Variants in HFM1 observed in about 807,000 individuals in gnomAD.
HFM1 encodes the protein probable ATP-dependent DNA helicase HFM1.
Under a neutral mutation model 192.1 loss-of-function variants are expected in HFM1, and 169 were observed. That is an observed-to-expected ratio of 0.88 (90% CI 0.78 to 1.00). The LOEUF is 1.00. HFM1 is among the 50% of genes least tolerant of loss of function. HFM1 has a pLI of 0.00. For missense variants in HFM1, 1,661 were observed against 1,668.0 expected (o/e 1.00, Z 0.07); for synonymous variants, 525 against 537.8 (o/e 0.98, Z 0.33).
At chr1:91,351,082 A>T (rs919558564) in intron 17 of HFM1, among the ~76,000 whole-genome samples, 1 of 152,066 alleles carries the variant, frequency 6.6e-6, no homozygotes, top group Non-Finnish European at 1.5e-5. Context: ...TGTAGAAGAC[A>T]GGTTATTGCT....
intron 34 of HFM1, among the ~76,000 whole-genome samples, chr1:91,271,475 A>G (rs1026908429): frequency 1.3e-5 from 2 of 152,148 alleles, no homozygotes; most frequent in African/African-American, 4.8e-5. Context: ...TAAAAAAGTC[A>G]TGACCAGAAG....
At chr1:91,380,878 G>A in intron 7 of HFM1, 34 bp downstream of exon 7, 1 of 1,002,334 alleles carries the variant, frequency 1.0e-6, no homozygotes, top group East Asian at 2.4e-5. Context: ...CTAGTGAAAG[G>A]TAGAAAAATA....
At chr1:91,289,419 G>C (rs1347355402) in intron 30 of HFM1, among the ~76,000 whole-genome samples, 1 of 152,102 alleles carries the variant, frequency 6.6e-6, no homozygotes, top group Non-Finnish European at 1.5e-5. Context: ...CCCAGACGAT[G>C]GGCGGCCAGG....
intron 30 of HFM1, among the ~76,000 whole-genome samples, chr1:91,295,505 T>C (rs1001145480): frequency 2.0e-5 from 3 of 152,282 alleles, no homozygotes; most frequent in African/African-American, 2.4e-5. Context: ...ACCAGGCATA[T>C]TGGATTGGGG....
intron 18 of HFM1, among the ~76,000 whole-genome samples, chr1:91,347,880 T>C (rs1656352184): frequency 6.6e-6 from 1 of 152,152 alleles, no homozygotes; most frequent in African/African-American, 2.4e-5. Context: ...TACATATACA[T>C]GTGTATCAAA....
At position 91,380,145 on chromosome 1, in the gene HFM1, AT is replaced by A. The variant is rs1236303775; in HGVS notation, c.964del (p.Met322TrpfsTer8). ...ATTCAACCATGGCAATGGTACTTCC[AT>A]TAACAATCTTGTTATAGCTAGTTCA... is the stretch of plus-strand genomic sequence containing the variant. ...VFELAITRLL[M>X]EVPLPWLNIK... On this transcript the variant is annotated frameshift_variant, in exon 8 of 39. Coordinates refer to ENST00000370425, the MANE Select transcript of HFM1 (RefSeq NM_001017975.6). LOFTEE classifies it high-confidence loss of function. 1 of 1,487,578 alleles carries A rather than the reference AT, an allele frequency of 6.7e-7. No homozygotes were observed. The highest frequency in any genetic ancestry group is 9.2e-7 in the Non-Finnish European group (1 of 1,081,426). 92.1% of individuals were successfully genotyped at this position (1,487,578 alleles called of 1,614,324 possible).
chr1:91,401,016 C>T lies in HFM1; in HGVS notation c.67G>A (p.Glu23Lys), dbSNP rs763484118. ...NLFFEKPDEV[E>K]NHPDNEKSLD... ...CAATCTTTAAGGGAGACTTACTTTT[C>T]AACTTCATCTGGTTTTTCAAAAAAC... The change falls in exon 2 of 39, where the codon GAA (glutamate) becomes AAA (lysine). Residue 23 changes from glutamate to lysine, a missense_variant. Coordinates refer to ENST00000370425, the MANE Select transcript of HFM1 (RefSeq NM_001017975.6). The T allele has an allele frequency of 1.3e-6, 2 of 1,492,364 alleles. No individual in the cohort carries two copies. Among genetic ancestry groups the T allele is most frequent in the Admixed American group, 4.2e-5 (2 of 47,320 alleles). 92.4% of individuals were successfully genotyped at this position (1,492,364 alleles called of 1,614,324 possible).
intron 23 of HFM1, among the ~76,000 whole-genome samples, chr1:91,320,212 G>A (rs1269495906): frequency 6.6e-6 from 1 of 152,236 alleles, no homozygotes; most frequent in South Asian, 2.1e-4. Flanking sequence ...GAAACAGTCA[G>A]CTATACAAAG....
At chr1:91,277,622 AAT>A (rs1557766230) in intron 30 of HFM1, among the ~76,000 whole-genome samples, 1 of 128,930 alleles carries the variant, frequency 7.8e-6, no homozygotes, top group Non-Finnish European at 1.6e-5. Flanking sequence ...ACTATATACT[AAT>A]ATATATAATA....
Position 91,323,163 on chromosome 1 carries a change from T to C in HFM1, c.2464A>G (p.Ile822Val). 6.3e-7 allele frequency: 1 copy of C among 1,591,162 alleles called. No homozygotes were observed. Among genetic ancestry groups the C allele is most frequent in the Non-Finnish European group, 8.6e-7 (1 of 1,162,788 alleles). ...TTCTTTTCATTTATCCTTAACTGTATATCTAGAAATTCCTTGCAGCCAGCT... is the reference window on the plus strand; with the variant it reads ...TTCTTTTCATTTATCCTTAACTGTACATCTAGAAATTCCTTGCAGCCAGCT... ...LIAGCKEFLDIQLRINEKKTL... is the reference protein window; with the variant it reads ...LIAGCKEFLDVQLRINEKKTL... The change falls in exon 22 of 39, where the codon ATA becomes GTA. Residue 822 changes from isoleucine (I) to valine (V), a missense_variant. Coordinates refer to ENST00000370425, the MANE Select transcript of HFM1 (RefSeq NM_001017975.6).
chr1:91,370,846 G>T (rs1232377230), intron 13 of HFM1, among the ~76,000 whole-genome samples: 2 of 152,058 alleles, frequency 1.3e-5, no homozygotes, highest in Admixed American at 6.6e-5. Context: ...AAAACCCCAT[G>T]TTCCCAGCGC....
intron 20 of HFM1, among the ~76,000 whole-genome samples, chr1:91,335,423 G>T (rs1654431754): frequency 6.6e-6 from 1 of 152,108 alleles, no homozygotes; most frequent in African/African-American, 2.4e-5. Flanking sequence ...CTTAATACTT[G>T]TTGGCTTATT....
chr1:91,351,764 A>G, intron 16 of HFM1, 121 bp from the exon 17 acceptor site: 1 of 441,364 alleles, frequency 2.3e-6, no homozygotes, highest in Non-Finnish European at 4.1e-6. Context: ...AATACTTCAA[A>G]AAGGCCTTAA....
At chr1:91,330,034 G>A (rs1483459919) in intron 20 of HFM1, among the ~76,000 whole-genome samples, 2 of 152,122 alleles carry the variant, frequency 1.3e-5, no homozygotes, top group Non-Finnish European at 2.9e-5. Context: ...TGGAGCCCCT[G>A]GAGTTGACTG....
Position 91,294,249 on chromosome 1 carries a change from GA to G in HFM1, c.3392-17188del, listed in dbSNP as rs372526680. Among the ~76,000 whole-genome samples, 81 of 145,688 alleles carry G rather than the reference GA, an allele frequency of 5.6e-4. 1 individual carries two copies. Among genetic ancestry groups the G allele is most frequent in the Admixed American group, 3.9e-3 (57 of 14,618 alleles). On this transcript the variant is annotated intron_variant, in intron 30 of 38. Transcript: ENST00000370425. ...TCAAAATAAAATAATGCCAAAGAAG[GA>G]AAAAAAAAAGATCACATTCACAGGT...
At chr1:91,358,321 C>T (rs750719599) in intron 13 of HFM1, among the ~76,000 whole-genome samples, 1 of 151,890 alleles carries the variant, frequency 6.6e-6, no homozygotes, top group Admixed American at 6.6e-5. Context: ...AGTATGGAAC[C>T]ACAATAAACC....
chr1:91,281,152 A>C (rs1179318602), intron 30 of HFM1, among the ~76,000 whole-genome samples: 1 of 152,228 alleles, frequency 6.6e-6, no homozygotes, highest in Non-Finnish European at 1.5e-5. Flanking sequence ...TACAAGTCTA[A>C]GCAGAAATCA....
At chr1:91,307,249 G>A (rs944138681) in intron 30 of HFM1, among the ~76,000 whole-genome samples, 2 of 151,948 alleles carry the variant, frequency 1.3e-5, no homozygotes, top group East Asian at 3.9e-4. Flanking sequence ...GTATACTCTT[G>A]AGATGCAAGC....
intron 30 of HFM1, among the ~76,000 whole-genome samples, chr1:91,282,780 A>T (rs1667576650): frequency 6.6e-6 from 1 of 152,194 alleles, no homozygotes; most frequent in Non-Finnish European, 1.5e-5. Context: ...GACTTGGAAG[A>T]AAAGCTTTGC....
Sources: gnomAD v4.1 joint callset for allele counts (sites outside exome capture counted in the v4.1 genomes callset) on GRCh38, gnomAD v4.1.1 for gene constraint, MANE v1.5 for transcripts, NCBI Gene and HGNC (gene_info 2026-07-23, HGNC 2026-07-21) for gene names.